GPA33: variants seen among roughly 807,000 people sequenced by gnomAD.
GPA33 encodes cell surface A33 antigen.
In GPA33, 27 loss-of-function variants were observed where a neutral mutation model predicts 35.6. The ratio of observed to expected loss-of-function variants is 0.76; its 90% confidence interval spans 0.56 to 1.04. The LOEUF (loss-of-function observed/expected upper bound fraction) is 1.04. Among genes scored for constraint, GPA33 ranks in the 50% least tolerant of loss-of-function variants. The pLI, the probability that GPA33 is intolerant of heterozygous loss-of-function variation, is 0.00. For synonymous variants in GPA33, 176 were observed against 164.0 expected (o/e 1.07, Z -0.56); for missense variants, 428 against 411.9 (o/e 1.04, Z -0.34).
intron 4 of GPA33, among the ~76,000 whole-genome samples, chr1:167,062,312 C>A (rs572946630): frequency 6.6e-6 from 1 of 151,926 alleles, no homozygotes; most frequent in Non-Finnish European, 1.5e-5. Context: ...ACCTCCAGAG[C>A]TTAAGCAATC....
chr1:167,080,881 A>C (rs75668361), intron 1 of GPA33, among the ~76,000 whole-genome samples: 1,841 of 152,354 alleles, frequency 0.012, 60 homozygotes, highest in African/African-American at 0.043. Context: ...ATTATAGAGA[A>C]CTTAAGCTTA....
intron 1 of GPA33, among the ~76,000 whole-genome samples, chr1:167,077,213 A>T (rs962710229): frequency 6.6e-6 from 1 of 152,148 alleles, no homozygotes; most frequent in Non-Finnish European, 1.5e-5. Context: ...TTCCAAAAAA[A>T]AAAAAAGAGA....
At chr1:167,057,375 T>TA (rs201888319) in intron 4 of GPA33, among the ~76,000 whole-genome samples, 1,837 of 152,238 alleles carry the variant, frequency 0.012, 36 homozygotes, top group African/African-American at 0.042. Context: ...GCTGGAGACC[T>TA]ACCTCCTCTA....
At position 167,090,225 on chromosome 1, in the gene GPA33, G is replaced by C. The variant is rs2281963; in HGVS notation, c.43+20C>G. The C allele has an allele frequency of 0.47, 754,814 of 1,591,828 alleles. 185,659 individuals carry two copies. Among genetic ancestry groups the C allele is most frequent in the Middle Eastern group, 0.54 (3,280 of 6,026 alleles). ...GTCTCACCCACCCCTGGGCACTGGA[G>C]AGAAAAGGGGCCTACTCACCTGCAC... On this transcript the variant is annotated intron_variant, in intron 1 of 6. Coordinates refer to ENST00000367868, the MANE Select transcript of GPA33 (RefSeq NM_005814.3).
At chr1:167,089,192 C>G (rs1667110454) in intron 1 of GPA33, among the ~76,000 whole-genome samples, 1 of 152,130 alleles carries the variant, frequency 6.6e-6, no homozygotes, top group South Asian at 2.1e-4. Context: ...GCCCCAAGGC[C>G]AGGTGTTGAG....
intron 2 of GPA33, among the ~76,000 whole-genome samples, chr1:167,073,098 G>C (rs905426722): frequency 6.6e-6 from 1 of 152,116 alleles, no homozygotes; most frequent in Non-Finnish European, 1.5e-5. Flanking sequence ...TCAGAGCAAG[G>C]GCTATGCTAA....
At chr1:167,089,190 G>A (rs904571816) in intron 1 of GPA33, among the ~76,000 whole-genome samples, 4 of 152,150 alleles carry the variant, frequency 2.6e-5, no homozygotes, top group Admixed American at 2.6e-4. Context: ...GAGCCCCAAG[G>A]CCAGGTGTTG....
intron 1 of GPA33, among the ~76,000 whole-genome samples, chr1:167,087,546 G>C (rs182727792): frequency 2.0e-5 from 3 of 152,294 alleles, no homozygotes; most frequent in Admixed American, 6.5e-5. Context: ...TGGAGTGTTA[G>C]GAGGGACGGG....
At chr1:167,082,531 C>T (rs1392276202) in intron 1 of GPA33, among the ~76,000 whole-genome samples, 1 of 152,136 alleles carries the variant, frequency 6.6e-6, no homozygotes, top group Non-Finnish European at 1.5e-5. Context: ...AGGGAAGGTG[C>T]TGCCAGCAAG....
intron 3 of GPA33, among the ~76,000 whole-genome samples, chr1:167,067,510 T>G (rs1351051827): frequency 6.6e-6 from 1 of 152,158 alleles, no homozygotes; most frequent in Non-Finnish European, 1.5e-5. Context: ...GGGATCAGCA[T>G]TTATATAATG....
Position 167,054,319 on chromosome 1 carries a change from T to A in GPA33, c.*15A>T. ...ACCCCTAACCCTTCCTCCGCCGCCC[T>A]CTGCTGCTGGCCTGTCACTGGTCGA... On this transcript the variant is annotated 3_prime_UTR_variant, in exon 7 of 7. Transcript: ENST00000367868. 6.2e-7 allele frequency: 1 copy of A among 1,613,796 alleles called. No homozygotes were observed. The highest frequency in any genetic ancestry group is 1.1e-5 in the South Asian group (1 of 91,062).
At chr1:167,077,526 A>G (rs1322278501) in intron 1 of GPA33, among the ~76,000 whole-genome samples, 10 of 152,094 alleles carry the variant, frequency 6.6e-5, no homozygotes. Context: ...CACACACTAC[A>G]CATTAAGGGA....
In GPA33 at chr1:167,084,525, G is replaced by A. The variant is rs148845230; in HGVS notation, c.43+5720C>T. ...TGTGACTGCTTCTCAATAGACTATG[G>A]CAGAAGTGATGCTGGGTCAGTTTCT... On this transcript the variant is annotated intron_variant, in intron 1 of 6. Transcript: ENST00000367868. Among the ~76,000 whole-genome samples the A allele has an allele frequency of 3.0e-4, 46 of 152,316 alleles. No homozygotes were observed. In the East Asian group the frequency reaches 8.5e-3, roughly 28 times the overall value.
rs374776660 is a variant in GPA33 at position 167,055,746 on chromosome 1, C to A, written c.675G>T (p.Thr225=). 6.8e-6 allele frequency: 11 copies of A among 1,614,064 alleles called. No individual in the cohort carries two copies. The African/African-American group carries it at 1.5e-4, about 22-fold the overall frequency. ...TGCTCTTACGAGATCTGACGGCCAC[C>A]GTGATGTTGCAGAACTGCGTCCCCT... ...NEEGTQFCNI[T]VAVRSPSMNV... Residue 225 remains threonine, a synonymous_variant, in exon 5 of 7, where the codon ACG becomes ACT. Transcript: ENST00000367868.
At chr1:167,087,760 C>CA (rs1287128259) in intron 1 of GPA33, among the ~76,000 whole-genome samples, 1 of 151,962 alleles carries the variant, frequency 6.6e-6, no homozygotes, top group African/African-American at 2.4e-5. Flanking sequence ...ACTAAAAATA[C>CA]AAAAAATTAG....
At chr1:167,076,260 T>C (rs1666821086) in intron 1 of GPA33, among the ~76,000 whole-genome samples, 1 of 152,046 alleles carries the variant, frequency 6.6e-6, no homozygotes, top group South Asian at 2.1e-4. Flanking sequence ...GTAGGGCAAA[T>C]GGGGCTGGGG....
rs774583736 is a variant in GPA33 at position 167,068,909 on chromosome 1, T to G, written c.415+13A>C. Reference sequence around the variant, plus strand: ...CTCTTCCTACAACTCCTGAAAGACATGAAGACACTCACCGAGGACCAACAG... The same window carrying G: ...CTCTTCCTACAACTCCTGAAAGACAGGAAGACACTCACCGAGGACCAACAG... On this transcript the variant is annotated intron_variant, in intron 3 of 6. Transcript: ENST00000367868. 3.7e-6 allele frequency: 6 copies of G among 1,603,642 alleles called. No individual in the cohort carries two copies. The highest frequency in any genetic ancestry group is 5.1e-6 in the Non-Finnish European group (6 of 1,172,144).
At chr1:167,082,577 C>A (rs1373945052) in intron 1 of GPA33, among the ~76,000 whole-genome samples, 1 of 152,140 alleles carries the variant, frequency 6.6e-6, no homozygotes, top group Non-Finnish European at 1.5e-5. Flanking sequence ...CCAGATGGAG[C>A]AAGACCTTAG....
rs1265464673 is a variant in GPA33 at position 167,054,309 on chromosome 1, T to G, written c.*25A>C. On this transcript the variant is annotated 3_prime_UTR_variant, in exon 7 of 7. Transcript: ENST00000367868. ...GGGAGAATGAACCCCTAACCCTTCCTCCGCCGCCCTCTGCTGCTGGCCTGT... is the reference window on the plus strand; with the variant it reads ...GGGAGAATGAACCCCTAACCCTTCCGCCGCCGCCCTCTGCTGCTGGCCTGT... The G allele has an allele frequency of 1.2e-6, 2 of 1,613,276 alleles. No individual in the cohort carries two copies. The highest frequency in any genetic ancestry group is 1.1e-5 in the South Asian group (1 of 91,040).
Sources: gnomAD v4.1 joint callset for allele counts (sites outside exome capture counted in the v4.1 genomes callset) on GRCh38, gnomAD v4.1.1 for gene constraint, MANE v1.5 for transcripts, NCBI Gene and HGNC (gene_info 2026-07-23, HGNC 2026-07-21) for gene names.